Variants in KCNH5 observed in about 807,000 individuals in gnomAD.
KCNH5 encodes the protein potassium voltage-gated channel subfamily H member 5.
A neutral mutation model predicts 96.1 loss-of-function variants in KCNH5; 46 were observed. The observed-to-expected ratio is 0.48, with a 90% CI of 0.38 to 0.61. KCNH5 has a LOEUF of 0.61. Ranked by LOEUF, KCNH5 falls within the 20% of genes least tolerant of loss-of-function variation. KCNH5 has a pLI of 0.00. For synonymous variants in KCNH5, 439 were observed against 449.8 expected, an observed-to-expected ratio of 0.98 and a Z score of 0.30; for missense variants, 907 against 1,225.8, an observed-to-expected ratio of 0.74 and a Z score of 3.88.
intron 4 of KCNH5, among the ~76,000 whole-genome samples, chr14:63,000,431 T>C (rs1053979728): frequency 5.9e-5 from 9 of 152,064 alleles, no homozygotes; most frequent in African/African-American, 1.9e-4. Context: ...GAAAAGGAGG[T>C]AAAAGCACAT....
At chr14:62,887,205 G>A (rs1888614785) in intron 7 of KCNH5, among the ~76,000 whole-genome samples, 1 of 152,154 alleles carries the variant, frequency 6.6e-6, no homozygotes, top group African/African-American at 2.4e-5. Flanking sequence ...ACTTCAAGTA[G>A]ACTTCAGAGC....
At chr14:62,932,487 A>C (rs992783234) in intron 7 of KCNH5, among the ~76,000 whole-genome samples, 36 of 151,578 alleles carry the variant, frequency 2.4e-4, no homozygotes, top group African/African-American at 8.2e-4. Context: ...AAAAAAAAAA[A>C]AAAACTAAAA....
intron 4 of KCNH5, among the ~76,000 whole-genome samples, chr14:62,997,849 G>A (rs1890935840): frequency 7.3e-6 from 1 of 137,254 alleles, no homozygotes; most frequent in African/African-American, 2.9e-5. Context: ...GCAGTGAACC[G>A]AGATGGCACC....
chr14:62,827,787 C>A (rs900274659), intron 8 of KCNH5, among the ~76,000 whole-genome samples: 1 of 151,786 alleles, frequency 6.6e-6, no homozygotes, highest in Admixed American at 6.6e-5. Context: ...AGATATGTAG[C>A]TTTGGGTTTT....
chr14:63,006,091 T>G (rs941759631), intron 3 of KCNH5, among the ~76,000 whole-genome samples: 3 of 152,230 alleles, frequency 2.0e-5, no homozygotes, highest in Non-Finnish European at 4.4e-5. Flanking sequence ...TTATAGGATC[T>G]TTATTATAAG....
rs557266630 is a variant in KCNH5 at position 62,701,130 on chromosome 14, T to C, written c.*6378A>G. The C allele has an allele frequency of 1.8e-4, 28 of 152,230 alleles. No individual in the cohort carries two copies. Among genetic ancestry groups the C allele is most frequent in the Admixed American group, 1.5e-3 (23 of 15,278 alleles). The allele number at this position is 152,230 out of a possible 1,614,324, so 9.4% of individuals were successfully genotyped here. A position where few individuals can be genotyped will look rare whatever the true frequency, so the allele number is the denominator to read the frequency against. ...ATCTTTTTGTTTCCTCCCATCAAAATGCAGCCCAACCAGCCAAGTGCTTAG... is the reference window on the plus strand; with the variant it reads ...ATCTTTTTGTTTCCTCCCATCAAAACGCAGCCCAACCAGCCAAGTGCTTAG... On this transcript the variant is annotated 3_prime_UTR_variant, in exon 11 of 11. Coordinates refer to ENST00000322893, the MANE Select transcript of KCNH5 (RefSeq NM_139318.5).
intron 8 of KCNH5, among the ~76,000 whole-genome samples, chr14:62,814,239 T>C (rs897391158): frequency 6.6e-6 from 1 of 152,140 alleles, no homozygotes; most frequent in African/African-American, 2.4e-5. Context: ...ATATTAGTTT[T>C]GCAGTAACAA....
At chr14:62,709,764 T>C (rs1884530537) in intron 10 of KCNH5, among the ~76,000 whole-genome samples, 1 of 152,206 alleles carries the variant, frequency 6.6e-6, no homozygotes, top group African/African-American at 2.4e-5. Context: ...TTGCCACATA[T>C]ATTATCAGAG....
intron 10 of KCNH5, among the ~76,000 whole-genome samples, chr14:62,744,369 T>G (rs2139938024): frequency 6.6e-6 from 1 of 152,324 alleles, no homozygotes; most frequent in African/African-American, 2.4e-5. Flanking sequence ...AACAGATTTC[T>G]AAACTGTAAG....
chr14:62,869,017 A>C (rs552988987), intron 7 of KCNH5, among the ~76,000 whole-genome samples: 4 of 152,248 alleles, frequency 2.6e-5, no homozygotes, highest in African/African-American at 9.6e-5. Flanking sequence ...GTGTCTTTAT[A>C]GTAGAATGAT....
At chr14:62,774,737 T>A (rs1566656404) in intron 10 of KCNH5, among the ~76,000 whole-genome samples, 1 of 152,190 alleles carries the variant, frequency 6.6e-6, no homozygotes, top group Non-Finnish European at 1.5e-5. Context: ...TCAACTTTCC[T>A]CTGCTTCTCT....
At chr14:63,003,463 TTATA>T (rs1238729920) in intron 3 of KCNH5, among the ~76,000 whole-genome samples, 1 of 132,718 alleles carries the variant, frequency 7.5e-6, no homozygotes, top group African/African-American at 2.9e-5. Context: ...TATATATATT[TTATA>T]TATATTATAT....
At chr14:62,883,797 T>G (rs1888540416) in intron 7 of KCNH5, among the ~76,000 whole-genome samples, 1 of 151,874 alleles carries the variant, frequency 6.6e-6, no homozygotes, top group South Asian at 2.1e-4. Flanking sequence ...ATAATAATAA[T>G]GAATAATAAG....
chr14:62,752,692 T>TGGGA (rs1418884804), intron 10 of KCNH5, among the ~76,000 whole-genome samples: 8 of 152,186 alleles, frequency 5.3e-5, no homozygotes. Context: ...AGGGACCTGG[T>TGGGA]GGGAGGTGAT....
At chr14:62,770,201 C>T (rs12588779) in intron 10 of KCNH5, among the ~76,000 whole-genome samples, 6,925 of 152,228 alleles carry the variant, frequency 0.045, 332 homozygotes, top group East Asian at 0.25. Flanking sequence ...ATGCAATCTG[C>T]GACACATGTA....
At chr14:62,713,511 C>A (rs1228030446) in intron 10 of KCNH5, among the ~76,000 whole-genome samples, 3 of 152,144 alleles carry the variant, frequency 2.0e-5, no homozygotes, top group Non-Finnish European at 4.4e-5. Context: ...AGCTCATTTT[C>A]TAGCTTATGA....
At chr14:62,979,175 T>C (rs1890558888) in intron 6 of KCNH5, among the ~76,000 whole-genome samples, 1 of 152,202 alleles carries the variant, frequency 6.6e-6, no homozygotes, top group South Asian at 2.1e-4. Context: ...AAAATCTCAA[T>C]GTATTAATGT....
At chr14:63,003,639 A>G (rs1473952796) in intron 3 of KCNH5, among the ~76,000 whole-genome samples, 1 of 95,126 alleles carries the variant, frequency 1.1e-5, no homozygotes, top group African/African-American at 5.0e-5. Context: ...TTTTTTTTTG[A>G]GACGGAGTCT....
chr14:62,852,742 A>G (rs1290669842), intron 7 of KCNH5, among the ~76,000 whole-genome samples: 2 of 152,212 alleles, frequency 1.3e-5, no homozygotes, highest in African/African-American at 2.4e-5. Context: ...AATATCTTCA[A>G]TCTTGAGTCT....
Sources: allele counts gnomAD v4.1 joint callset (sites outside exome capture counted in the v4.1 genomes callset), GRCh38; gene constraint gnomAD v4.1.1; transcripts MANE v1.5; gene names NCBI Gene and HGNC (gene_info 2026-07-23, HGNC 2026-07-21).